The following MAP4K3 variants were observed in gnomAD, a reference collection of about 807,000 sequenced individuals.
MAP4K3 encodes MAPK/ERK kinase kinase kinase 3.
In MAP4K3, 94 loss-of-function variants were observed where a neutral mutation model predicts 143.5. The ratio of observed to expected loss-of-function variants is 0.65; its 90% confidence interval spans 0.55 to 0.78. The LOEUF is 0.78. Among genes scored for constraint, MAP4K3 ranks in the 30% least tolerant of loss-of-function variants. The pLI, the probability that MAP4K3 is intolerant of heterozygous loss-of-function variation, is 0.00. For synonymous variants in MAP4K3, 416 were observed against 347.2 expected, an observed-to-expected ratio of 1.20 and a Z score of -2.20; for missense variants, 1,077 against 1,068.1, an observed-to-expected ratio of 1.01 and a Z score of -0.12.
At chr2:39,327,351 T>C (rs1683528248) in intron 8 of MAP4K3, among the ~76,000 whole-genome samples, 1 of 152,346 alleles carries the variant, frequency 6.6e-6, no homozygotes, top group Admixed American at 6.5e-5. Context: ...AAAAAATGTA[T>C]TTATTCAGAG....
At chr2:39,392,185 A>AAAT (rs1420304549) in intron 1 of MAP4K3, among the ~76,000 whole-genome samples, 1 of 144,738 alleles carries the variant, frequency 6.9e-6, no homozygotes, top group African/African-American at 2.8e-5. Flanking sequence ...CTCCTACTCA[A>AAAT]AAAAAAAAAA....
intron 1 of MAP4K3, among the ~76,000 whole-genome samples, chr2:39,419,578 A>C (rs182224461): frequency 6.6e-6 from 1 of 152,310 alleles, no homozygotes; most frequent in African/African-American, 2.4e-5. Flanking sequence ...TGAAAGAAAA[A>C]AAGTTTGTCA....
chr2:39,431,379 A>G (rs1665282050), intron 1 of MAP4K3, among the ~76,000 whole-genome samples: 1 of 152,180 alleles, frequency 6.6e-6, no homozygotes, highest in Non-Finnish European at 1.5e-5. Context: ...TTTTGTTGGG[A>G]TATCTTTTCT....
At chr2:39,305,586 G>C (rs1175560918) in intron 15 of MAP4K3, among the ~76,000 whole-genome samples, 7 of 152,162 alleles carry the variant, frequency 4.6e-5, no homozygotes, top group African/African-American at 1.2e-4. Context: ...GATTTTATAA[G>C]TTGTATACTC....
At chr2:39,435,118 C>G (rs1206820845) in intron 1 of MAP4K3, among the ~76,000 whole-genome samples, 7 of 152,170 alleles carry the variant, frequency 4.6e-5, no homozygotes, top group African/African-American at 2.4e-5. Context: ...ACTCCCCCAA[C>G]CAGTCATAAG....
chr2:39,413,997 G>C (rs1275076782), intron 1 of MAP4K3, among the ~76,000 whole-genome samples: 1 of 152,046 alleles, frequency 6.6e-6, no homozygotes, highest in Non-Finnish European at 1.5e-5. Flanking sequence ...ATCTTTCAAG[G>C]TGACTGCAAG....
rs528814717 is a variant in MAP4K3, at chr2:39,286,107, G to A, written c.1587+745C>T. 8.9e-4 allele frequency among the ~76,000 whole-genome samples: 136 copies of A among 152,262 alleles called. 1 individual carries two copies. Among genetic ancestry groups the A allele is most frequent in the African/African-American group, 2.9e-3 (121 of 41,544 alleles). ...CTTTTCGGCATCAGGGACTGGTTTC[G>A]TGGAAGACAATTTTTCCACAGATGG... On this transcript the variant is annotated intron_variant, in intron 21 of 33. Transcript: ENST00000263881.
intron 26 of MAP4K3, among the ~76,000 whole-genome samples, chr2:39,271,430 A>G (rs1233371730): frequency 1.3e-5 from 2 of 152,256 alleles, no homozygotes; most frequent in African/African-American, 4.8e-5. Context: ...AAAAAAGAAT[A>G]GGCATATTAT....
intron 12 of MAP4K3, among the ~76,000 whole-genome samples, chr2:39,319,933 T>C (rs1683249850): frequency 6.6e-6 from 1 of 152,232 alleles, no homozygotes; most frequent in African/African-American, 2.4e-5. Flanking sequence ...TTTAAGAGTC[T>C]TGATGAGTTT....
chr2:39,267,291 T>G (rs367673496), intron 26 of MAP4K3, 44 bp from the exon 27 acceptor site: 27 of 1,456,040 alleles, frequency 1.9e-5, no homozygotes, highest in Non-Finnish European at 2.2e-5. Context: ...GTAGGCAAAC[T>G]TAGTATATGA....
intron 4 of MAP4K3, among the ~76,000 whole-genome samples, chr2:39,340,953 T>G (rs1320571436): frequency 6.6e-6 from 1 of 152,130 alleles, no homozygotes; most frequent in African/African-American, 2.4e-5. Context: ...GAAGACCTAC[T>G]GTACATCTAA....
At chr2:39,383,016 C>A (rs193041293) in intron 1 of MAP4K3, among the ~76,000 whole-genome samples, 1 of 152,128 alleles carries the variant, frequency 6.6e-6, no homozygotes, top group African/African-American at 2.4e-5. Flanking sequence ...TTTGAGTGTA[C>A]CAGGCCAGCC....
intron 4 of MAP4K3, among the ~76,000 whole-genome samples, chr2:39,343,037 T>A (rs1349569167): frequency 6.6e-6 from 1 of 152,290 alleles, no homozygotes; most frequent in East Asian, 1.9e-4. Context: ...GAGAGCAAAA[T>A]AAATTATCTT....
chr2:39,284,503 A>G (rs1183002739), intron 21 of MAP4K3, among the ~76,000 whole-genome samples: 2 of 152,114 alleles, frequency 1.3e-5, no homozygotes, highest in South Asian at 2.1e-4. Context: ...GAGTGTTATA[A>G]CTCTCAGATT....
intron 2 of MAP4K3, among the ~76,000 whole-genome samples, chr2:39,361,353 A>T (rs1019707222): frequency 9.9e-5 from 15 of 152,262 alleles, no homozygotes; most frequent in African/African-American, 3.1e-4. Context: ...TTATATGTTT[A>T]CTTATATGTG....
chr2:39,296,114 C>T (rs965081770), intron 16 of MAP4K3, among the ~76,000 whole-genome samples: 2 of 152,098 alleles, frequency 1.3e-5, no homozygotes, highest in African/African-American at 2.4e-5. Flanking sequence ...GCAGATAGCC[C>T]ATGGCTCAGG....
intron 3 of MAP4K3, among the ~76,000 whole-genome samples, chr2:39,355,532 GC>G (rs1227786956): frequency 2.0e-5 from 3 of 151,734 alleles, no homozygotes; most frequent in African/African-American, 7.3e-5. Flanking sequence ...ACTCTGTCCC[GC>G]CCCCACAAAA....
chr2:39,249,375 T>C lies in MAP4K3; in HGVS notation c.*1243A>G, dbSNP rs996394261. 6.6e-6 allele frequency: 1 copy of C among 152,622 alleles called. No individual in the cohort carries two copies. The highest frequency in any genetic ancestry group is 1.5e-5 in the Non-Finnish European group (1 of 68,020). 9.5% of individuals were successfully genotyped at this position (152,622 alleles called of 1,614,324 possible). ...TAAATGAAGATCATAAATCACAATT[T>C]AGTTTGTTCTTAGTGTATATACTCA... On this transcript the variant is annotated 3_prime_UTR_variant, in exon 34 of 34. Transcript: ENST00000263881.
At chr2:39,331,207 C>T (rs1157039294) in intron 8 of MAP4K3, among the ~76,000 whole-genome samples, 1 of 152,072 alleles carries the variant, frequency 6.6e-6, no homozygotes, top group Non-Finnish European at 1.5e-5. Context: ...GTAGGAATTC[C>T]AGGGTGCTGT....
Sources: gnomAD v4.1 joint callset for allele counts (sites outside exome capture counted in the v4.1 genomes callset) on GRCh38, gnomAD v4.1.1 for gene constraint, MANE v1.5 for transcripts, NCBI Gene and HGNC (gene_info 2026-07-23, HGNC 2026-07-21) for gene names.